The following RP1 variants were observed in gnomAD, a reference collection of about 807,000 sequenced individuals.
The protein encoded by RP1 is oxygen-regulated protein 1.
Under a neutral mutation model 14.8 loss-of-function variants are expected in RP1, and 16 were observed. The observed-to-expected ratio is 1.08, with a 90% CI of 0.73 to 1.65. The LOEUF is 1.65. RP1 is among the 40% of genes most tolerant of loss of function. The pLI is 0.00. For missense variants in RP1, 2,631 were observed against 2,535.0 expected (o/e 1.04, Z -0.81); for synonymous variants, 876 against 883.6 (o/e 0.99, Z 0.15).
chr8:54,864,143 T>C (rs1195192198), intron 27 of RP1, among the ~76,000 whole-genome samples: 1 of 152,154 alleles, frequency 6.6e-6, no homozygotes, highest in Non-Finnish European at 1.5e-5. Context: ...TGAGAGACTG[T>C]AGATTCGCAG....
chr8:54,693,855 G>C (rs1220665322), intron 12 of RP1, among the ~76,000 whole-genome samples: 1 of 152,096 alleles, frequency 6.6e-6, no homozygotes, highest in Admixed American at 6.6e-5. Context: ...CCAACACTAT[G>C]TTGAATAGGA....
At chr8:54,606,777 A>G (rs1364786577) in intron 1 of RP1, among the ~76,000 whole-genome samples, 1 of 151,698 alleles carries the variant, frequency 6.6e-6, no homozygotes, top group Non-Finnish European at 1.5e-5. Flanking sequence ...TTCTCTTCTC[A>G]CTTCATTTCA....
chr8:54,816,719 T>C lies in RP1; in HGVS notation c.3616-20731T>C, dbSNP rs187530687. Among the ~76,000 whole-genome samples, 573 of 152,326 alleles carry C rather than the reference T, an allele frequency of 3.8e-3. 3 individuals carry two copies. The highest frequency in any genetic ancestry group is 6.4e-3 in the Non-Finnish European group (433 of 68,024). ...TTGCAGAACAGTCAAGGAAATCTTT[T>C]AGAAACATAAACTGGAACATGTTAT... On this transcript the variant is annotated intron_variant, in intron 24 of 28. Coordinates refer to the RP1 transcript ENST00000637698.
intron 6 of RP1, chr8:54,656,265 A>G (rs1356360028): frequency 6.6e-7 from 1 of 1,511,028 alleles, no homozygotes; most frequent in Non-Finnish European, 8.8e-7. Context: ...GTTTGCCTAA[A>G]TGCTGAAGGA....
chr8:54,781,181 G>T (rs1448277939), intron 23 of RP1: 3 of 304,290 alleles, frequency 9.9e-6, no homozygotes, highest in African/African-American at 4.5e-5. Flanking sequence ...GAATGAAAGG[G>T]CACAGCCTGA....
intron 24 of RP1, among the ~76,000 whole-genome samples, chr8:54,812,502 T>C (rs1396031507): frequency 1.3e-5 from 2 of 152,350 alleles, no homozygotes; most frequent in Admixed American, 6.5e-5. Context: ...TCCTATGATA[T>C]GGTAATATAT....
intron 24 of RP1, among the ~76,000 whole-genome samples, chr8:54,812,179 C>A (rs865993868): frequency 6.6e-6 from 1 of 152,286 alleles, no homozygotes; most frequent in African/African-American, 2.4e-5. Flanking sequence ...CTCACTCTGT[C>A]GCCCAGGCTG....
Position 54,788,470 on chromosome 8 carries a change from C to CT in RP1, c.3615+4769dup, listed in dbSNP as rs141473215. 2.0e-3 allele frequency among the ~76,000 whole-genome samples: 303 copies of CT among 150,782 alleles called. 4 individuals are homozygous for CT. The East Asian group carries it at 0.034, about 17-fold the overall frequency. On this transcript the variant is annotated intron_variant, in intron 24 of 28. Coordinates refer to the RP1 transcript ENST00000637698. ...TCTTCATCTTCTTTTCCATTCTTTC[C>CT]TTTTTTTTTGTTTTTTAGGAATCCT... is the stretch of plus-strand genomic sequence containing the variant.
chr8:54,656,447 C>T (rs1806756806), intron 6 of RP1, among the ~76,000 whole-genome samples: 1 of 151,964 alleles, frequency 6.6e-6, no homozygotes, highest in Non-Finnish European at 1.5e-5. Context: ...GGCTGAAATG[C>T]TTCTTAATCA....
At chr8:54,837,644 G>A (rs1811692877) in exon 25 of RP1, 1 of 1,231,780 alleles carries the variant, frequency 8.1e-7, no homozygotes, top group East Asian at 3.2e-5. Context: ...TACCCATCAT[G>A]GGACCAAAGA....
chr8:54,673,953 A>T (rs975487255), intron 8 of RP1: 4 of 1,489,560 alleles, frequency 2.7e-6, no homozygotes, highest in Non-Finnish European at 3.6e-6. Flanking sequence ...CAGAGAGTTC[A>T]TGAAGGTCTG....
chr8:54,714,051 G>A (rs1272128660), intron 15 of RP1, among the ~76,000 whole-genome samples: 5 of 152,026 alleles, frequency 3.3e-5, no homozygotes, highest in Admixed American at 6.6e-5. Flanking sequence ...TCAGCTTCCC[G>A]AGTAGCTGGG....
chr8:54,696,715 C>T, intron 12 of RP1: 2 of 716,058 alleles, frequency 2.8e-6, no homozygotes, highest in Non-Finnish European at 2.5e-6. Context: ...TGCAGAGAAC[C>T]ACTTCAAGAC....
At chr8:54,779,074 C>T (rs1332389072) in intron 23 of RP1, among the ~76,000 whole-genome samples, 1 of 152,122 alleles carries the variant, frequency 6.6e-6, no homozygotes, top group Non-Finnish European at 1.5e-5. Context: ...CTCCATCTTT[C>T]CCTGTCACAA....
chr8:54,757,204 A>G (rs2129368198), intron 21 of RP1, among the ~76,000 whole-genome samples: 1 of 152,350 alleles, frequency 6.6e-6, no homozygotes, highest in African/African-American at 2.4e-5. Flanking sequence ...CATACCTGCC[A>G]CATCTCACAT....
chr8:54,757,796 T>A (rs1269671832), intron 21 of RP1, among the ~76,000 whole-genome samples: 3 of 152,190 alleles, frequency 2.0e-5, no homozygotes, highest in African/African-American at 7.2e-5. Context: ...GTGACCTGCC[T>A]CATGAAACGT....
At chr8:54,581,219 T>C (rs1804785341) in intron 1 of RP1, among the ~76,000 whole-genome samples, 1 of 148,742 alleles carries the variant, frequency 6.7e-6, no homozygotes, top group South Asian at 2.3e-4. Flanking sequence ...TGTATTCTCA[T>C]TGTTCAATTC....
intron 24 of RP1, among the ~76,000 whole-genome samples, chr8:54,833,047 G>A (rs10095485): frequency 0.31 from 46,452 of 151,760 alleles, 7,315 homozygotes; most frequent in South Asian, 0.37. Flanking sequence ...TGAGCTCCTT[G>A]CAGTCATACC....
At chr8:54,779,286 G>A (rs1003339500) in intron 23 of RP1, among the ~76,000 whole-genome samples, 3 of 152,234 alleles carry the variant, frequency 2.0e-5, no homozygotes, top group South Asian at 4.1e-4. Context: ...ATGGGAACAC[G>A]TTTGCTGTCC....
Sources: gnomAD v4.1 joint callset for allele counts (sites outside exome capture counted in the v4.1 genomes callset) on GRCh38, gnomAD v4.1.1 for gene constraint, MANE v1.5 for transcripts, NCBI Gene and HGNC (gene_info 2026-07-23, HGNC 2026-07-21) for gene names.